Variants in LRP1B observed in about 807,000 individuals in gnomAD.
LRP1B encodes the protein LDL receptor related protein 1B.
LRP1B carries 217 observed loss-of-function variants against 556.6 expected under a neutral mutation model. That is an observed-to-expected ratio of 0.39 (90% CI 0.35 to 0.44). The LOEUF (loss-of-function observed/expected upper bound fraction) is 0.44. Ranked by LOEUF, LRP1B falls within the 20% of genes least tolerant of loss-of-function variation. LRP1B has a pLI of 1.00. For missense variants in LRP1B, 5,053 were observed against 5,620.8 expected (o/e 0.90, Z 3.23); for synonymous variants, 2,047 against 1,865.8 (o/e 1.10, Z -2.50).
At chr2:140,282,748 A>T (rs1682967679) in intron 84 of LRP1B, among the ~76,000 whole-genome samples, 1 of 151,796 alleles carries the variant, frequency 6.6e-6, no homozygotes, top group Non-Finnish European at 1.5e-5. Context: ...CAAATGTCAG[A>T]TGTTATCCAC....
chr2:140,593,649 A>G (rs1316323585), intron 43 of LRP1B, among the ~76,000 whole-genome samples: 1 of 152,154 alleles, frequency 6.6e-6, no homozygotes, highest in Admixed American at 6.5e-5. Context: ...TATTTTTATC[A>G]ATGCAAGTCA....
chr2:140,742,382 T>C (rs1250952920), intron 35 of LRP1B, among the ~76,000 whole-genome samples: 1 of 152,166 alleles, frequency 6.6e-6, no homozygotes, highest in Non-Finnish European at 1.5e-5. Flanking sequence ...AGTCAATCAT[T>C]ATTATCATTC....
At chr2:140,418,446 G>A (rs1288101103) in intron 66 of LRP1B, among the ~76,000 whole-genome samples, 1 of 152,248 alleles carries the variant, frequency 6.6e-6, no homozygotes, top group South Asian at 2.1e-4. Context: ...CACAAATGAC[G>A]GTGGTCTTAA....
chr2:141,951,777 T>C (rs1186087035), intron 1 of LRP1B, among the ~76,000 whole-genome samples: 1 of 152,128 alleles, frequency 6.6e-6, no homozygotes, highest in Non-Finnish European at 1.5e-5. Flanking sequence ...TTAGGGGGTA[T>C]TCAAACTTAA....
intron 3 of LRP1B, among the ~76,000 whole-genome samples, chr2:141,294,403 ATATCT>A (rs1345433879): frequency 1.4e-5 from 2 of 147,692 alleles, no homozygotes; most frequent in Non-Finnish European, 3.0e-5. Flanking sequence ...TTATCATGAA[ATATCT>A]TAAGTAACTA....
chr2:141,091,031 G>A (rs1700159104), intron 7 of LRP1B, among the ~76,000 whole-genome samples: 1 of 152,076 alleles, frequency 6.6e-6, no homozygotes, highest in African/African-American at 2.4e-5. Flanking sequence ...TATGTCTGGA[G>A]GACAGTAGTT....
intron 35 of LRP1B, among the ~76,000 whole-genome samples, chr2:140,768,006 A>G (rs1464996100): frequency 6.6e-6 from 1 of 151,944 alleles, no homozygotes; most frequent in Admixed American, 6.6e-5. Context: ...GCCTTCCACC[A>G]ATAATGAGAT....
intron 2 of LRP1B, among the ~76,000 whole-genome samples, chr2:141,517,121 G>A (rs1423625355): frequency 6.7e-6 from 1 of 149,302 alleles, no homozygotes; most frequent in Non-Finnish European, 1.5e-5. Flanking sequence ...GCATAAATAT[G>A]TCTACCCTTT....
At chr2:141,424,113 C>CT (rs11465120) in intron 3 of LRP1B, among the ~76,000 whole-genome samples, 63,928 of 136,866 alleles carry the variant, frequency 0.47, 15,817 homozygotes, top group African/African-American at 0.51. Flanking sequence ...AAGCCTTCAT[C>CT]TTTTTTTTTT....
intron 41 of LRP1B, among the ~76,000 whole-genome samples, chr2:140,604,934 C>A (rs1475457004): frequency 6.6e-6 from 1 of 152,120 alleles, no homozygotes; most frequent in Non-Finnish European, 1.5e-5. Context: ...TGTTCTTTCA[C>A]TCTCCACCAT....
Position 141,704,753 on chromosome 2 carries a change from T to C in LRP1B, c.205+105526A>G, listed in dbSNP as rs377158102. 7.2e-5 allele frequency among the ~76,000 whole-genome samples: 11 copies of C among 152,116 alleles called. No individual in the cohort carries two copies. In the East Asian group the frequency reaches 9.7e-4, roughly 13 times the overall value. ...TAGTCTCTTCTAACCACATGCTTTC[T>C]CTCCAAGGATCCGCCCATATCTTCC... On this transcript the variant is annotated intron_variant, in intron 2 of 90. Coordinates refer to ENST00000389484, the MANE Select transcript of LRP1B (RefSeq NM_018557.3).
intron 41 of LRP1B, among the ~76,000 whole-genome samples, chr2:140,661,839 T>C (rs944742935): frequency 1.5e-4 from 23 of 152,212 alleles, no homozygotes; most frequent in African/African-American, 5.5e-4. Flanking sequence ...ACACACTAAG[T>C]ATATCTCTGT....
chr2:141,605,529 T>C (rs1471674), intron 2 of LRP1B, among the ~76,000 whole-genome samples: 138,661 of 152,096 alleles, frequency 0.91, 64,584 homozygotes, highest in East Asian at 1. Context: ...TCAGGTAAAA[T>C]CACCTGGAAC....
chr2:141,642,728 T>C (rs1229351129), intron 2 of LRP1B, among the ~76,000 whole-genome samples: 1 of 152,004 alleles, frequency 6.6e-6, no homozygotes, highest in Non-Finnish European at 1.5e-5. Flanking sequence ...ATGCCTCATA[T>C]GGGAGGGATG....
chr2:141,436,397 G>C (rs889192977), intron 3 of LRP1B, among the ~76,000 whole-genome samples: 5 of 152,148 alleles, frequency 3.3e-5, no homozygotes, highest in African/African-American at 1.2e-4. Flanking sequence ...TAGAATGGTG[G>C]TTGCCAGGGG....
At chr2:141,488,972 T>TG (rs1683221787) in intron 2 of LRP1B, among the ~76,000 whole-genome samples, 8 of 26,898 alleles carry the variant, frequency 3.0e-4, no homozygotes, top group South Asian at 1.8e-3. Context: ...TTTGTTTTTT[T>TG]TTGTTTGTTT....
chr2:141,611,088 A>G (rs1156517974), intron 2 of LRP1B, among the ~76,000 whole-genome samples: 23 of 152,178 alleles, frequency 1.5e-4, no homozygotes, highest in Non-Finnish European at 3.4e-4. Context: ...TCAATTGCAC[A>G]TTTGCCTGTT....
chr2:141,795,063 TA>T (rs1695757543), intron 2 of LRP1B, among the ~76,000 whole-genome samples: 1 of 152,116 alleles, frequency 6.6e-6, no homozygotes, highest in Non-Finnish European at 1.5e-5. Flanking sequence ...TTCAAGAGAT[TA>T]TTTTTTAGGT....
At chr2:142,086,641 A>AAACAAACAAACAAAC (rs143098707) in intron 1 of LRP1B, among the ~76,000 whole-genome samples, 2 of 19,030 alleles carry the variant, frequency 1.1e-4, no homozygotes, top group African/African-American at 1.6e-4. Flanking sequence ...ACAAACAAAC[A>AAACAAACAAACAAAC]AAAAAAAAAC....
Sources: allele counts gnomAD v4.1 joint callset (sites outside exome capture counted in the v4.1 genomes callset), GRCh38; gene constraint gnomAD v4.1.1; transcripts MANE v1.5; gene names NCBI Gene and HGNC (gene_info 2026-07-23, HGNC 2026-07-21).